SYNPR: variants seen among roughly 807,000 people sequenced by gnomAD.
The protein encoded by SYNPR is synaptoporin.
SYNPR carries 23 observed loss-of-function variants against 32.9 expected under a neutral mutation model. The ratio of observed to expected loss-of-function variants is 0.70; its 90% CI spans 0.50 to 0.99. SYNPR has a LOEUF of 0.99. Ranked by LOEUF, SYNPR falls within the 50% of genes least tolerant of loss-of-function variation. SYNPR has a pLI of 0.00. For missense variants in SYNPR, 318 were observed against 349.3 expected (o/e 0.91, Z 0.71); for synonymous variants, 146 against 135.9 (o/e 1.07, Z -0.52).
At chr3:63,454,958 T>C (rs973385801) in intron 2 of SYNPR, among the ~76,000 whole-genome samples, 3 of 152,172 alleles carry the variant, frequency 2.0e-5, no homozygotes, top group African/African-American at 7.2e-5. Context: ...GAAAACATAT[T>C]AGGTTATAAC....
the SYNPR span, among the ~76,000 whole-genome samples, chr3:63,204,387 T>C: frequency 6.6e-6 from 1 of 152,174 alleles, no homozygotes; most frequent in Non-Finnish European, 1.5e-5. Flanking sequence ...ATTTCCTCTG[T>C]GTGTCTCTAC....
the SYNPR span, among the ~76,000 whole-genome samples, chr3:63,210,103 T>G: frequency 1.3e-4 from 20 of 152,344 alleles, no homozygotes; most frequent in African/African-American, 4.6e-4. Flanking sequence ...ACTGGAGTAT[T>G]TAACTAAATT....
At chr3:63,480,991 AG>A (rs1418102192) in intron 3 of SYNPR, 35 bp downstream of exon 3, 3 of 1,594,886 alleles carry the variant, frequency 1.9e-6, no homozygotes, top group Non-Finnish European at 2.6e-6. Context: ...TTAGCCTCAC[AG>A]GGGGTTATTT....
At chr3:63,335,766 C>CTTTTTTTTTTTTTT (rs3082128) in intron 2 of SYNPR, among the ~76,000 whole-genome samples, 17 of 91,470 alleles carry the variant, frequency 1.9e-4, no homozygotes, top group Admixed American at 2.6e-4. Flanking sequence ...TATTAGCTTC[C>CTTTTTTTTTTTTTT]TTTTTTTTTT....
At chr3:63,222,295 A>G in the SYNPR span, among the ~76,000 whole-genome samples, 1 of 152,086 alleles carries the variant, frequency 6.6e-6, no homozygotes, top group Non-Finnish European at 1.5e-5. Context: ...GAATAGAATC[A>G]TATGAAAATT....
intron 2 of SYNPR, among the ~76,000 whole-genome samples, chr3:63,338,288 G>GTCAC (rs1183399250): frequency 1.3e-5 from 2 of 152,304 alleles, no homozygotes; most frequent in African/African-American, 4.8e-5. Flanking sequence ...TTCTCGTCTA[G>GTCAC]TCACTACCCC....
chr3:63,503,741 A>G (rs1011153246), intron 3 of SYNPR, among the ~76,000 whole-genome samples: 5 of 152,118 alleles, frequency 3.3e-5, no homozygotes, highest in Non-Finnish European at 7.4e-5. Context: ...AGTATAGAAG[A>G]GTAACAGTAC....
intron 2 of SYNPR, among the ~76,000 whole-genome samples, chr3:63,319,649 A>T (rs1432223086): frequency 1.3e-5 from 2 of 152,036 alleles, no homozygotes; most frequent in Non-Finnish European, 2.9e-5. Flanking sequence ...ATGGAAAAAT[A>T]GTCCATGTTC....
intron 2 of SYNPR, among the ~76,000 whole-genome samples, chr3:63,450,497 C>T (rs577096032): frequency 6.6e-6 from 1 of 152,246 alleles, no homozygotes; most frequent in South Asian, 2.1e-4. Flanking sequence ...AGCTGAAGAA[C>T]CATTTTAAAC....
At chr3:63,265,185 T>C (rs1358879182) in intron 2 of SYNPR, among the ~76,000 whole-genome samples, 1 of 152,022 alleles carries the variant, frequency 6.6e-6, no homozygotes, top group African/African-American at 2.4e-5. Flanking sequence ...ATAGAAATAA[T>C]TTAAATGTGT....
chr3:63,391,530 C>T (rs150294464), intron 2 of SYNPR, among the ~76,000 whole-genome samples: 3 of 152,224 alleles, frequency 2.0e-5, no homozygotes, highest in Non-Finnish European at 4.4e-5. Flanking sequence ...ATTGCTAACA[C>T]CTATGAGAAT....
At chr3:63,584,271 A>C (rs1487550499) in intron 4 of SYNPR, among the ~76,000 whole-genome samples, 2 of 152,240 alleles carry the variant, frequency 1.3e-5, no homozygotes, top group African/African-American at 4.8e-5. Flanking sequence ...AAATGGCAGC[A>C]TGGTTATGGT....
At chr3:63,393,631 G>A (rs1222569977) in intron 2 of SYNPR, among the ~76,000 whole-genome samples, 3 of 151,042 alleles carry the variant, frequency 2.0e-5, no homozygotes, top group Non-Finnish European at 4.4e-5. Flanking sequence ...GTGAGAAGCT[G>A]GGACTGCAGG....
intron 4 of SYNPR, among the ~76,000 whole-genome samples, chr3:63,595,875 TTTTA>T (rs1699948958): frequency 1.1e-5 from 1 of 94,018 alleles, no homozygotes; most frequent in African/African-American, 4.0e-5. Context: ...ATATATATAA[TTTTA>T]TATATATATA....
the SYNPR span, among the ~76,000 whole-genome samples, chr3:63,209,712 C>G: frequency 2.6e-5 from 4 of 152,160 alleles, no homozygotes; most frequent in Admixed American, 2.6e-4. Context: ...CATATGGGTT[C>G]AAGCATAATT....
At chr3:63,499,040 T>C (rs1701429682) in intron 3 of SYNPR, among the ~76,000 whole-genome samples, 3 of 151,376 alleles carry the variant, frequency 2.0e-5, no homozygotes, top group African/African-American at 7.3e-5. Flanking sequence ...TTTTAGCTGC[T>C]ATGTGAAAAA....
chr3:63,408,228 GGAAAGAAAGAAA>G (rs1163628616), intron 2 of SYNPR, among the ~76,000 whole-genome samples: 1 of 26,028 alleles, frequency 3.8e-5, no homozygotes, highest in Non-Finnish European at 6.7e-5. Context: ...AAGGAAGGAA[GGAAAGAAAGAAA>G]GAAAGAAAGA....
At chr3:63,493,815 C>CA (rs3083190) in intron 3 of SYNPR, among the ~76,000 whole-genome samples, 12,746 of 74,800 alleles carry the variant, frequency 0.17, 1,262 homozygotes, top group Middle Eastern at 0.25. Flanking sequence ...GACTCTGTCT[C>CA]AAAAAAAAAA....
intron 2 of SYNPR, among the ~76,000 whole-genome samples, chr3:63,298,025 C>T (rs2056545): frequency 0.47 from 70,757 of 151,976 alleles, 16,652 homozygotes; most frequent in Middle Eastern, 0.52. Flanking sequence ...TATAGGAAAG[C>T]GGGCTAGGGA....
Sources: gnomAD v4.1 joint callset for allele counts (sites outside exome capture counted in the v4.1 genomes callset) on GRCh38, gnomAD v4.1.1 for gene constraint, MANE v1.5 for transcripts, NCBI Gene and HGNC (gene_info 2026-07-23, HGNC 2026-07-21) for gene names.